The following RALYL variants were observed in gnomAD, a reference collection of about 807,000 sequenced individuals.
The protein encoded by RALYL is RALY RNA binding protein like, also known as RNA-binding Raly-like protein.
RALYL carries 29 observed loss-of-function variants against 35.1 expected under a neutral mutation model. The observed-to-expected ratio is 0.83, with a 90% confidence interval of 0.61 to 1.13. The LOEUF (loss-of-function observed/expected upper bound fraction) is 1.13, where lower values mean the gene tolerates loss of function less well. Among genes scored for constraint, RALYL ranks in the 50% most tolerant of loss-of-function variants. The probability of loss-of-function intolerance (pLI) is 0.00; values close to 1 mark genes in which losing one functional copy is unlikely to be tolerated. For synonymous variants in RALYL, 120 were observed against 127.6 expected (o/e 0.94, Z 0.40); for missense variants, 359 against 360.4 (o/e 1.00, Z 0.03).
At chr8:84,883,595 A>G (rs1053408234) in intron 7 of RALYL, among the ~76,000 whole-genome samples, 3 of 152,024 alleles carry the variant, frequency 2.0e-5, no homozygotes, top group East Asian at 3.9e-4. Context: ...CCATCATTCA[A>G]TTATCTCCCA....
chr8:84,608,204 T>C (rs1316141195), intron 2 of RALYL, among the ~76,000 whole-genome samples: 1 of 152,054 alleles, frequency 6.6e-6, no homozygotes, highest in Non-Finnish European at 1.5e-5. Flanking sequence ...AGGATCATTC[T>C]CCCAAGAGTG....
intron 7 of RALYL, among the ~76,000 whole-genome samples, chr8:84,879,103 C>T (rs1346506818): frequency 1.3e-5 from 2 of 152,072 alleles, no homozygotes; most frequent in African/African-American, 2.4e-5. Context: ...AAAAGGAATT[C>T]TCAAGATAGA....
chr8:84,345,889 T>C (rs1321439641), intron 1 of RALYL, among the ~76,000 whole-genome samples: 1 of 152,100 alleles, frequency 6.6e-6, no homozygotes, highest in Admixed American at 6.6e-5. Context: ...TTAGGTACCA[T>C]GGACTGTGCA....
chr8:84,746,375 T>C (rs750406277), intron 2 of RALYL, among the ~76,000 whole-genome samples: 1 of 151,968 alleles, frequency 6.6e-6, no homozygotes, highest in Non-Finnish European at 1.5e-5. Flanking sequence ...TTAAAGCATA[T>C]TGAGAAAAAT....
At chr8:84,218,017 A>T (rs1821245553) in intron 1 of RALYL, among the ~76,000 whole-genome samples, 1 of 151,974 alleles carries the variant, frequency 6.6e-6, no homozygotes, top group South Asian at 2.1e-4. Flanking sequence ...TTTTCAAGTG[A>T]TTTGAAACTA....
intron 1 of RALYL, among the ~76,000 whole-genome samples, chr8:84,289,317 T>A (rs183959037): frequency 6.6e-6 from 1 of 152,264 alleles, no homozygotes; most frequent in Admixed American, 6.5e-5. Flanking sequence ...AATTTACTAT[T>A]GCAAGTTTTT....
rs111496991 is a variant in RALYL, at chr8:84,555,288, T to TAC, written c.256+25729_256+25730dup. Among the ~76,000 whole-genome samples, 717 of 150,748 alleles carry TAC rather than the reference T, an allele frequency of 4.8e-3. 4 individuals are homozygous for TAC. The highest frequency in any genetic ancestry group is 0.011 in the African/African-American group (458 of 41,068). On this transcript the variant is annotated intron_variant, in intron 2 of 8. Transcript: ENST00000521268. Reference sequence around the variant, plus strand: ...GTGAGACTCCATCTCAATATATACATACACACACACACACACACATATATA... The same window carrying TAC: ...GTGAGACTCCATCTCAATATATACATACACACACACACACACACACATATATA...
intron 4 of RALYL, among the ~76,000 whole-genome samples, chr8:84,816,449 T>A (rs1289617069): frequency 6.6e-6 from 1 of 152,184 alleles, no homozygotes; most frequent in East Asian, 1.9e-4. Context: ...ATTTGATGAA[T>A]TTTTTCATAA....
intron 3 of RALYL, among the ~76,000 whole-genome samples, chr8:84,787,397 CCAGTATTACTGGATT>C (rs1367906479): frequency 3.9e-5 from 6 of 152,142 alleles, no homozygotes; most frequent in African/African-American, 1.4e-4. Context: ...TTATCTTTGT[CCAGTATTACTGGATT>C]CAGTATTACT....
intron 1 of RALYL, among the ~76,000 whole-genome samples, chr8:84,271,625 T>C (rs1040581766): frequency 3.3e-5 from 5 of 151,944 alleles, no homozygotes; most frequent in African/African-American, 1.2e-4. Context: ...TGAATAAATA[T>C]GGTGTATCCA....
intron 8 of RALYL, among the ~76,000 whole-genome samples, chr8:84,887,989 ATAAATATCATG>A (rs1294607470): frequency 6.6e-6 from 1 of 152,364 alleles, no homozygotes; most frequent in East Asian, 1.9e-4. Context: ...AAGGAGCAAA[ATAAATATCATG>A]TAAGAGATTA....
At chr8:84,604,199 G>C (rs917249490) in intron 2 of RALYL, among the ~76,000 whole-genome samples, 2 of 152,062 alleles carry the variant, frequency 1.3e-5, no homozygotes, top group Admixed American at 6.6e-5. Flanking sequence ...TAAATAATCA[G>C]CTTCCATGCC....
chr8:84,196,883 A>C (rs1815440923), intron 1 of RALYL, among the ~76,000 whole-genome samples: 1 of 152,180 alleles, frequency 6.6e-6, no homozygotes, highest in Non-Finnish European at 1.5e-5. Context: ...ATTTATCTTG[A>C]TACTTATTGT....
chr8:84,506,261 G>A (rs1336098812), intron 1 of RALYL, among the ~76,000 whole-genome samples: 2 of 152,022 alleles, frequency 1.3e-5, no homozygotes, highest in African/African-American at 2.4e-5. Context: ...TTTACAAATA[G>A]GGTAAATGAA....
At chr8:84,202,313 G>T (rs1432759241) in intron 1 of RALYL, among the ~76,000 whole-genome samples, 1 of 149,710 alleles carries the variant, frequency 6.7e-6, no homozygotes, top group African/African-American at 2.4e-5. Context: ...TTTACTTAAA[G>T]ATGATATAAA....
At chr8:84,664,532 A>T (rs1460091632) in intron 2 of RALYL, among the ~76,000 whole-genome samples, 13 of 151,820 alleles carry the variant, frequency 8.6e-5, no homozygotes, top group Admixed American at 7.2e-4. Flanking sequence ...CTCCTTGTAG[A>T]GATATTTCAC....
In RALYL at chr8:84,451,046, G is replaced by A. The variant is rs115032999; in HGVS notation, c.-23-78253G>A. ...TCCACAGGCAAGTCAAAAGCTATCA[G>A]ATTAAGTAAGAATATTTCAAGTAAG... On this transcript the variant is annotated intron_variant, in intron 1 of 8. Coordinates refer to ENST00000521268, the MANE Select transcript of RALYL (RefSeq NM_173848.7). Among the ~76,000 whole-genome samples, 384 of 152,032 alleles carry A rather than the reference G, an allele frequency of 2.5e-3. 1 individual carries two copies. The highest frequency in any genetic ancestry group is 8.6e-3 in the African/African-American group (359 of 41,520).
chr8:84,878,292 C>T (rs1449370718), intron 7 of RALYL, among the ~76,000 whole-genome samples: 1 of 151,930 alleles, frequency 6.6e-6, no homozygotes, highest in Non-Finnish European at 1.5e-5. Context: ...GTAGAAATGC[C>T]CACCTTCTCC....
intron 2 of RALYL, among the ~76,000 whole-genome samples, chr8:84,710,447 G>T (rs1342204592): frequency 6.6e-6 from 1 of 151,880 alleles, no homozygotes; most frequent in African/African-American, 2.4e-5. Context: ...GATTACAGGT[G>T]CCCACCACCA....
Sources: allele counts gnomAD v4.1 joint callset (sites outside exome capture counted in the v4.1 genomes callset), GRCh38; gene constraint gnomAD v4.1.1; transcripts MANE v1.5; gene names NCBI Gene and HGNC (gene_info 2026-07-23, HGNC 2026-07-21).